Variants in ROBO1 observed in about 807,000 individuals in gnomAD.
The protein encoded by ROBO1 is roundabout homolog 1.
ROBO1 carries 149 observed loss-of-function variants against 195.9 expected under a neutral mutation model. That is an observed-to-expected ratio of 0.76 (90% CI 0.67 to 0.87). The LOEUF (loss-of-function observed/expected upper bound fraction) is 0.87. Among genes scored for constraint, ROBO1 ranks in the 40% least tolerant of loss-of-function variants. The pLI, the probability that ROBO1 is intolerant of heterozygous loss-of-function variation, is 0.00. For synonymous variants in ROBO1, 816 were observed against 733.2 expected, an observed-to-expected ratio of 1.11 and a Z score of -1.82; for missense variants, 1,933 against 2,068.3, an observed-to-expected ratio of 0.93 and a Z score of 1.27.
chr3:78,984,013 A>G (rs902058210), intron 3 of ROBO1, among the ~76,000 whole-genome samples: 1 of 152,216 alleles, frequency 6.6e-6, no homozygotes, highest in Non-Finnish European at 1.5e-5. Context: ...ATTCATGCAT[A>G]TTATCCATGA....
At chr3:79,700,050 G>C (rs1293406023) in intron 1 of ROBO1, among the ~76,000 whole-genome samples, 1 of 151,430 alleles carries the variant, frequency 6.6e-6, no homozygotes, top group Non-Finnish European at 1.5e-5. Flanking sequence ...TAAGTACCCA[G>C]TGTTTAGTTC....
intron 2 of ROBO1, among the ~76,000 whole-genome samples, chr3:79,403,323 AT>A (rs1271131814): frequency 6.6e-6 from 1 of 152,016 alleles, no homozygotes; most frequent in Non-Finnish European, 1.5e-5. Context: ...TAAAATCTTA[AT>A]GGAGAAAGTG....
intron 29 of ROBO1, among the ~76,000 whole-genome samples, chr3:78,601,077 G>T (rs953227944): frequency 6.6e-6 from 1 of 152,074 alleles, no homozygotes; most frequent in Non-Finnish European, 1.5e-5. Context: ...TCAGCCAGCT[G>T]CTCACTTCTC....
chr3:78,663,262 A>C (rs1707536305), intron 14 of ROBO1, among the ~76,000 whole-genome samples: 1 of 151,930 alleles, frequency 6.6e-6, no homozygotes, highest in African/African-American at 2.4e-5. Flanking sequence ...TTGATATCAA[A>C]CACTCTTACA....
intron 3 of ROBO1, among the ~76,000 whole-genome samples, chr3:79,081,429 A>C (rs1324793629): frequency 3.3e-5 from 5 of 152,152 alleles, no homozygotes; most frequent in African/African-American, 1.2e-4. Flanking sequence ...CACAATAGTA[A>C]AGTTCAGTTC....
chr3:79,345,526 T>G (rs1242886184), intron 2 of ROBO1, among the ~76,000 whole-genome samples: 1 of 152,172 alleles, frequency 6.6e-6, no homozygotes, highest in Non-Finnish European at 1.5e-5. Context: ...CTGCAGGGTC[T>G]AATTACCTGT....
intron 4 of ROBO1, among the ~76,000 whole-genome samples, chr3:78,929,898 C>T (rs917124495): frequency 3.3e-5 from 5 of 151,950 alleles, no homozygotes; most frequent in African/African-American, 9.7e-5. Context: ...TGAGATTGCA[C>T]GGAAGGGTCA....
At chr3:79,543,650 G>GCATA (rs1401834272) in intron 2 of ROBO1, among the ~76,000 whole-genome samples, 2 of 151,992 alleles carry the variant, frequency 1.3e-5, no homozygotes, top group Non-Finnish European at 2.9e-5. Context: ...CCATACAAAA[G>GCATA]CATACATACA....
chr3:79,214,229 T>G (rs2082015099), intron 2 of ROBO1, among the ~76,000 whole-genome samples: 1 of 152,138 alleles, frequency 6.6e-6, no homozygotes, highest in Non-Finnish European at 1.5e-5. Flanking sequence ...CACATTACAG[T>G]AATAAACAAT....
At chr3:79,420,451 G>A (rs559792781) in intron 2 of ROBO1, among the ~76,000 whole-genome samples, 2 of 152,124 alleles carry the variant, frequency 1.3e-5, no homozygotes, top group African/African-American at 2.4e-5. Context: ...TTTCATCAGC[G>A]TTATTTTCTA....
intron 3 of ROBO1, among the ~76,000 whole-genome samples, chr3:79,083,829 G>A (rs981489635): frequency 1.3e-5 from 2 of 152,026 alleles, no homozygotes; most frequent in Non-Finnish European, 2.9e-5. Flanking sequence ...AGATATCTTC[G>A]GAGAAAATCT....
At chr3:79,008,947 T>G (rs1314694825) in intron 3 of ROBO1, among the ~76,000 whole-genome samples, 2 of 148,814 alleles carry the variant, frequency 1.3e-5, no homozygotes, top group Non-Finnish European at 3.0e-5. Context: ...TTGTTTTGTT[T>G]TGTTTTGTTT....
At chr3:78,627,763 T>C (rs1194743772) in intron 25 of ROBO1, among the ~76,000 whole-genome samples, 194 bp from the exon 26 acceptor site, 1 of 152,160 alleles carries the variant, frequency 6.6e-6, no homozygotes, top group Non-Finnish European at 1.5e-5. Context: ...CTCTAAGGGA[T>C]TGTAATTGAC....
At chr3:79,478,611 T>C (rs549861224) in intron 2 of ROBO1, among the ~76,000 whole-genome samples, 2 of 152,292 alleles carry the variant, frequency 1.3e-5, no homozygotes, top group South Asian at 2.1e-4. Context: ...CAGAATGTAA[T>C]GTGTACTTCC....
At chr3:79,617,972 C>A (rs1389944009) in intron 1 of ROBO1, among the ~76,000 whole-genome samples, 6 of 144,508 alleles carry the variant, frequency 4.2e-5, no homozygotes, top group Non-Finnish European at 7.6e-5. Context: ...AAAAGATTTA[C>A]AAAATGTAGT....
At chr3:78,755,497 G>A (rs981063124) in intron 4 of ROBO1, among the ~76,000 whole-genome samples, 1 of 152,008 alleles carries the variant, frequency 6.6e-6, no homozygotes, top group South Asian at 2.1e-4. Flanking sequence ...AACAAAAAAG[G>A]AAGTATAGAG....
At chr3:79,310,937 T>C (rs1322532941) in intron 2 of ROBO1, among the ~76,000 whole-genome samples, 1 of 152,224 alleles carries the variant, frequency 6.6e-6, no homozygotes, top group Non-Finnish European at 1.5e-5. Context: ...TATGATGATA[T>C]CCACTGTGGT....
chr3:78,816,193 C>A (rs1402050440), intron 4 of ROBO1, among the ~76,000 whole-genome samples: 1 of 152,096 alleles, frequency 6.6e-6, no homozygotes, highest in East Asian at 1.9e-4. Flanking sequence ...ATCCTAGGGA[C>A]ATTATGAATT....
chr3:78,757,965 T>C (rs1207235023), intron 4 of ROBO1, among the ~76,000 whole-genome samples: 5 of 152,184 alleles, frequency 3.3e-5, no homozygotes, highest in Admixed American at 6.5e-5. Flanking sequence ...AACAGGGCTC[T>C]GAATCTCCAA....
Sources: gnomAD v4.1 joint callset for allele counts (sites outside exome capture counted in the v4.1 genomes callset) on GRCh38, gnomAD v4.1.1 for gene constraint, MANE v1.5 for transcripts, NCBI Gene and HGNC (gene_info 2026-07-23, HGNC 2026-07-21) for gene names.